Variants in SLC2A12 observed in about 807,000 individuals in gnomAD.
SLC2A12 encodes solute carrier family 2 member 12, also known as solute carrier family 2, facilitated glucose transporter member 12.
A neutral mutation model predicts 41.8 loss-of-function variants in SLC2A12; 23 were observed. The ratio of observed to expected loss-of-function variants is 0.55; its 90% CI spans 0.40 to 0.78. The LOEUF is 0.78. SLC2A12 is among the 30% of genes least tolerant of loss of function. SLC2A12 has a pLI of 0.00. For missense variants in SLC2A12, 654 were observed against 745.6 expected, an observed-to-expected ratio of 0.88 and a Z score of 1.43; for synonymous variants, 295 against 285.9, an observed-to-expected ratio of 1.03 and a Z score of -0.32.
intron 2 of SLC2A12, among the ~76,000 whole-genome samples, chr6:134,015,321 T>G (rs975778013): frequency 3.3e-5 from 5 of 152,072 alleles, no homozygotes; most frequent in Admixed American, 6.5e-5. Context: ...AAGGAGTGTG[T>G]GGGGGGAAGG....
chr6:134,027,837 T>C (rs2041215215), intron 2 of SLC2A12, among the ~76,000 whole-genome samples: 1 of 152,292 alleles, frequency 6.6e-6, no homozygotes, highest in Non-Finnish European at 1.5e-5. Flanking sequence ...ATGCTTCTGT[T>C]TAATGGACAA....
At chr6:134,014,794 C>T (rs760516543) in intron 2 of SLC2A12, among the ~76,000 whole-genome samples, 4 of 152,176 alleles carry the variant, frequency 2.6e-5, no homozygotes, top group Admixed American at 1.3e-4. Context: ...TAAACACTGA[C>T]GTATTATGTG....
At chr6:133,993,306 A>G (rs1371408013) in intron 4 of SLC2A12, among the ~76,000 whole-genome samples, 2 of 152,064 alleles carry the variant, frequency 1.3e-5, no homozygotes, top group African/African-American at 4.8e-5. Flanking sequence ...CCTACTACTA[A>G]TGTGTCTATT....
At chr6:133,993,130 G>A (rs73550525) in intron 4 of SLC2A12, among the ~76,000 whole-genome samples, 7,081 of 152,000 alleles carry the variant, frequency 0.047, 561 homozygotes, top group African/African-American at 0.16. Flanking sequence ...TCTTTGCTCG[G>A]TCTCTAAGTT....
At chr6:134,045,284 A>G (rs1777442738) in intron 1 of SLC2A12, among the ~76,000 whole-genome samples, 1 of 152,372 alleles carries the variant, frequency 6.6e-6, no homozygotes, top group Non-Finnish European at 1.5e-5. Context: ...AAATTCACAG[A>G]TTGGAAAGTA....
intron 1 of SLC2A12, among the ~76,000 whole-genome samples, chr6:134,031,796 A>G: frequency 6.6e-6 from 1 of 152,236 alleles, no homozygotes; most frequent in South Asian, 2.1e-4. Flanking sequence ...GCTTAAAGAT[A>G]GGTCAAGCCT....
intron 1 of SLC2A12, among the ~76,000 whole-genome samples, chr6:134,044,245 C>T (rs184505926): frequency 8.7e-4 from 133 of 152,268 alleles, no homozygotes; most frequent in Admixed American, 1.8e-3. Context: ...GATCCCTCAT[C>T]GCTCTCCACT....
intron 1 of SLC2A12, among the ~76,000 whole-genome samples, chr6:134,032,792 T>TA (rs140895311): frequency 2.2e-5 from 3 of 138,022 alleles, no homozygotes; most frequent in South Asian, 2.2e-4. Context: ...TATATATATA[T>TA]TATATATATA....
rs1562192799 is a variant in SLC2A12 at position 134,006,756 on chromosome 6, C to T, written c.1567+56G>A. 1.9e-6 allele frequency: 3 copies of T among 1,604,058 alleles called. No individual in the cohort carries two copies. The South Asian group carries it at 3.4e-5, about 18-fold the overall frequency. ...AATGGTCTTTAGGTGGGTGTGATTC[C>T]CTAACATTTGTCCTACGAGGACCAA... On this transcript the variant is annotated intron_variant, in intron 3 of 4. Transcript: ENST00000275230.
Position 134,002,009 on chromosome 6 carries a change from T to G in SLC2A12, c.1688A>C (p.Glu563Ala), listed in dbSNP as rs1240380414. 1 of 1,609,360 alleles carries G rather than the reference T, an allele frequency of 6.2e-7. No homozygotes were observed. The highest frequency in any genetic ancestry group is 1.3e-5 in the African/African-American group (1 of 74,518). ...ATGTAATACTTACACTTTTGCTAGC[T>G]CCATTGATATTTGTTCCAAAGAGCA... Reference protein sequence around the residue: ...KGCSLEQISMELAKVNYVKNN... With the variant: ...KGCSLEQISMALAKVNYVKNN... Residue 563 changes from glutamate (E) to alanine (A), a missense_variant, in exon 4 of 5, where the codon GAG becomes GCG. By Grantham distance (107) the Glu-to-Ala change is moderately radical. Coordinates refer to ENST00000275230, the MANE Select transcript of SLC2A12 (RefSeq NM_145176.3).
intron 1 of SLC2A12, among the ~76,000 whole-genome samples, chr6:134,033,121 G>A (rs1051143061): frequency 2.0e-5 from 3 of 151,866 alleles, no homozygotes. Context: ...GGACGGAAAG[G>A]GCTTAAAGTG....
intron 1 of SLC2A12, among the ~76,000 whole-genome samples, chr6:134,031,371 A>C (rs1441842661): frequency 2.0e-5 from 3 of 152,148 alleles, no homozygotes; most frequent in Non-Finnish European, 2.9e-5. Context: ...CACCCCGGGC[A>C]ACAGAGCAAG....
intron 2 of SLC2A12, among the ~76,000 whole-genome samples, chr6:134,014,844 G>T (rs910287184): frequency 2.0e-5 from 3 of 152,192 alleles, no homozygotes; most frequent in African/African-American, 7.2e-5. Flanking sequence ...GTGTCATTTT[G>T]CTGTACTTCT....
chr6:134,049,078 T>C (rs1773634681), intron 1 of SLC2A12, among the ~76,000 whole-genome samples: 3 of 152,152 alleles, frequency 2.0e-5, no homozygotes, highest in African/African-American at 7.2e-5. Flanking sequence ...CCAGCTTCCA[T>C]TTAGGAAAAA....
intron 2 of SLC2A12, among the ~76,000 whole-genome samples, chr6:134,026,302 C>T (rs1669473981): frequency 6.6e-6 from 1 of 152,172 alleles, no homozygotes. Flanking sequence ...GGAACAGTAA[C>T]TACCACCTGA....
intron 4 of SLC2A12, among the ~76,000 whole-genome samples, chr6:133,994,254 AG>A (rs1365490178): frequency 6.6e-6 from 1 of 152,220 alleles, no homozygotes; most frequent in Non-Finnish European, 1.5e-5. Context: ...GAGGTGGGTA[AG>A]GCAGTGAGTA....
intron 2 of SLC2A12, among the ~76,000 whole-genome samples, chr6:134,017,622 G>A (rs1776978888): frequency 6.6e-6 from 1 of 152,056 alleles, no homozygotes; most frequent in Admixed American, 6.6e-5. Flanking sequence ...GGAGGCCGAG[G>A]AGGGCGGATC....
rs749124478 is a variant in SLC2A12, at chr6:134,006,973, T to G, written c.1445-39A>C. On this transcript the variant is annotated intron_variant, in intron 2 of 4. Transcript: ENST00000275230. ...AAGAGTGGGTGGCGGACAGCACATT[T>G]AGCAAAAACCCATTGAATCTGAGTG... 9.3e-6 allele frequency: 15 copies of G among 1,611,488 alleles called. No homozygotes were observed. In the South Asian group the frequency reaches 1.5e-4, roughly 17 times the overall value.
At chr6:133,999,009 T>C (rs1482353727) in intron 4 of SLC2A12, among the ~76,000 whole-genome samples, 1 of 152,196 alleles carries the variant, frequency 6.6e-6, no homozygotes, top group Non-Finnish European at 1.5e-5. Context: ...GTAGGCATTG[T>C]AGGAGTTACA....
Sources: gnomAD v4.1 joint callset for allele counts (sites outside exome capture counted in the v4.1 genomes callset) on GRCh38, gnomAD v4.1.1 for gene constraint, MANE v1.5 for transcripts, NCBI Gene and HGNC (gene_info 2026-07-23, HGNC 2026-07-21) for gene names.